Variants in EPRS1 observed in about 807,000 individuals in gnomAD.
EPRS1 encodes the protein bifunctional glutamate/proline--tRNA ligase.
In EPRS1, 107 loss-of-function variants were observed where a neutral mutation model predicts 188.3. That is an observed-to-expected ratio of 0.57 (90% CI 0.49 to 0.67). EPRS1 has a LOEUF of 0.67. EPRS1 is among the 30% of genes least tolerant of loss of function. The pLI is 0.00. For synonymous variants in EPRS1, 596 were observed against 593.1 expected, an observed-to-expected ratio of 1.00 and a Z score of -0.07; for missense variants, 1,577 against 1,802.2, an observed-to-expected ratio of 0.88 and a Z score of 2.26.
intron 28 of EPRS1, among the ~76,000 whole-genome samples, chr1:219,977,415 G>A (rs1291528559): frequency 1.3e-5 from 2 of 152,142 alleles, no homozygotes; most frequent in African/African-American, 4.8e-5. Context: ...TCAGTCTAAG[G>A]ATGAGAAATG....
At chr1:220,006,411 T>C (rs1571678397) in intron 14 of EPRS1, 98 bp from the exon 15 acceptor site, 1 of 350,692 alleles carries the variant, frequency 2.9e-6, no homozygotes, top group Non-Finnish European at 4.7e-6. Flanking sequence ...TATAAAATAA[T>C]TTATTGTTTT....
intron 28 of EPRS1, among the ~76,000 whole-genome samples, chr1:219,974,960 G>A (rs1660747440): frequency 6.6e-6 from 1 of 152,170 alleles, no homozygotes; most frequent in Admixed American, 6.5e-5. Flanking sequence ...AAAGTTACTG[G>A]AGAAGGTAAA....
At chr1:220,009,914 T>C (rs768091103) in intron 13 of EPRS1, among the ~76,000 whole-genome samples, 2 of 151,824 alleles carry the variant, frequency 1.3e-5, no homozygotes, top group African/African-American at 2.4e-5. Flanking sequence ...GCCGCCAACA[T>C]GGCAAAACCC....
At chr1:220,007,986 A>G (rs984547596) in intron 13 of EPRS1, among the ~76,000 whole-genome samples, 3 of 152,176 alleles carry the variant, frequency 2.0e-5, no homozygotes, top group Admixed American at 6.5e-5. Context: ...ATGCACCTGT[A>G]GTCCCAGCTA....
intron 3 of EPRS1, among the ~76,000 whole-genome samples, chr1:220,034,047 C>G (rs1319716992): frequency 1.3e-5 from 2 of 151,994 alleles, no homozygotes; most frequent in Non-Finnish European, 2.9e-5. Flanking sequence ...ACTTAGAAAC[C>G]ATTCTGTGTA....
chr1:219,985,339 TACACACACATATG>T (rs1234264856), intron 20 of EPRS1, among the ~76,000 whole-genome samples: 47 of 152,312 alleles, frequency 3.1e-4, no homozygotes, highest in African/African-American at 1.1e-3. Flanking sequence ...TGGCTATAAA[TACACACACATATG>T]TGTGTGTACT....
intron 1 of EPRS1, among the ~76,000 whole-genome samples, chr1:220,041,631 G>T (rs1662296537): frequency 6.6e-6 from 1 of 151,940 alleles, no homozygotes; most frequent in Non-Finnish European, 1.5e-5. Context: ...ACCTGAGGTC[G>T]GGAGTTCGAG....
Position 220,005,315 on chromosome 1 carries a change from T to C in EPRS1, c.1996A>G (p.Lys666Glu), listed in dbSNP as rs1558052394. Residue 666 changes from lysine (K) to glutamate (E), a missense_variant, in exon 16 of 32, where the codon AAA becomes GAA. Around this residue, in one of 3 missense-constraint regions of EPRS1, gnomAD observed 1,278 missense variants for 1,457.4 expected, o/e 0.88. Transcript: ENST00000366923. ...LGDPCLKDLK[K>E]GDIIQLQRRG... ...CTCTGGAGTTGTATAATATCTCCTT[T>C]TTTCAAATCCTTAAGGCAGGGATCC... 1 of 1,601,264 alleles carries C rather than the reference T, an allele frequency of 6.2e-7. No homozygotes were observed. Among genetic ancestry groups the C allele is most frequent in the Non-Finnish European group, 8.5e-7 (1 of 1,173,610 alleles).
At chr1:220,043,380 T>G (rs1291242632) in intron 1 of EPRS1, among the ~76,000 whole-genome samples, 1 of 152,188 alleles carries the variant, frequency 6.6e-6, no homozygotes, top group African/African-American at 2.4e-5. Context: ...CTATGATTTT[T>G]TTAAATGGGA....
chr1:219,974,989 T>C (rs1660747879), intron 28 of EPRS1, among the ~76,000 whole-genome samples: 1 of 152,206 alleles, frequency 6.6e-6, no homozygotes, highest in Admixed American at 6.5e-5. Context: ...AGTAAATTAT[T>C]CGTCCGAATT....
At chr1:220,002,313 C>T (rs1289605886) in intron 16 of EPRS1, among the ~76,000 whole-genome samples, 1 of 148,372 alleles carries the variant, frequency 6.7e-6, no homozygotes, top group East Asian at 2.0e-4. Flanking sequence ...GCCTGGGCAA[C>T]AGGAGAGAAA....
Position 219,997,239 on chromosome 1 carries a change from T to A in EPRS1, c.2285A>T (p.Asp762Val). 2.5e-6 allele frequency: 4 copies of A among 1,613,966 alleles called. No individual in the cohort carries two copies. Among genetic ancestry groups the A allele is most frequent in the Non-Finnish European group, 3.4e-6 (4 of 1,179,968 alleles). The stretch of plus-strand genomic sequence containing the variant: ...CTTGGCTTTTAATTCACGAACCACA[T>A]CTCCTTGAACAGCCACTCTATTGTA... Reference protein sequence around the residue: ...VLYNRVAVQGDVVRELKAKKA... With the variant: ...VLYNRVAVQGVVVRELKAKKA... The change falls in exon 18 of 32, where the codon GAT (aspartate) becomes GTT (valine). Residue 762 changes from aspartate to valine, a missense_variant. By Grantham distance (152) the Asp-to-Val change is radical (BLOSUM62 -3). Around this residue, in one of 3 missense-constraint regions of EPRS1, gnomAD observed 1,278 missense variants for 1,457.4 expected, o/e 0.88. Transcript: ENST00000366923.
intron 25 of EPRS1, 80 bp from the exon 26 acceptor site, chr1:219,980,320 A>G: frequency 9.2e-7 from 1 of 1,086,048 alleles, no homozygotes; most frequent in South Asian, 1.5e-5. Flanking sequence ...ACTACTTAAG[A>G]CTAATTGTGT....
At chr1:219,976,784 T>C (rs1660790330) in intron 28 of EPRS1, among the ~76,000 whole-genome samples, 1 of 152,188 alleles carries the variant, frequency 6.6e-6, no homozygotes, top group Admixed American at 6.5e-5. Flanking sequence ...AAAGGTAATC[T>C]GAAGCCAAAT....
chr1:220,043,089 CAA>C (rs1385424983), intron 1 of EPRS1, among the ~76,000 whole-genome samples: 1 of 151,912 alleles, frequency 6.6e-6, no homozygotes, highest in East Asian at 1.9e-4. Context: ...AAAAAAGTGA[CAA>C]AAAGAAGATG....
chr1:220,006,029 C>T, intron 15 of EPRS1, 77 bp downstream of exon 15: 1 of 811,612 alleles, frequency 1.2e-6, no homozygotes, highest in Non-Finnish European at 1.9e-6. Context: ...ATCTGAGGAT[C>T]CGAAATATAT....
chr1:219,994,931 C>A (rs935332716), intron 18 of EPRS1, among the ~76,000 whole-genome samples: 2 of 152,164 alleles, frequency 1.3e-5, no homozygotes, highest in Admixed American at 1.3e-4. Context: ...GGATTACAGG[C>A]ATGAGCCACC....
At chr1:219,980,971 C>A in intron 24 of EPRS1, 114 bp from the exon 25 acceptor site, 9 of 648,662 alleles carry the variant, frequency 1.4e-5, no homozygotes, top group Admixed American at 5.1e-5. Context: ...GCAATCATGA[C>A]TCACTGAAAC....
intron 6 of EPRS1, among the ~76,000 whole-genome samples, chr1:220,029,183 C>G (rs1662040582): frequency 6.6e-6 from 1 of 152,046 alleles, no homozygotes. Context: ...ACCAAGTGCA[C>G]AGTAGCAGAA....
Sources: gnomAD v4.1 joint callset for allele counts (sites outside exome capture counted in the v4.1 genomes callset) on GRCh38, gnomAD v4.1.1 for gene constraint, gnomAD v4.1.1 regional missense constraint, MANE v1.5 for transcripts, NCBI Gene and HGNC (gene_info 2026-07-23, HGNC 2026-07-21) for gene names.